Variants in C19orf47 observed in about 807,000 individuals in gnomAD.
C19orf47 encodes the protein chromosome 19 open reading frame 47, also known as uncharacterized protein C19orf47.
C19orf47 carries 18 observed loss-of-function variants against 32.3 expected under a neutral mutation model. The ratio of observed to expected loss-of-function variants is 0.56; its 90% CI spans 0.39 to 0.83. C19orf47 has a LOEUF of 0.83. Among genes scored for constraint, C19orf47 ranks in the 40% least tolerant of loss-of-function variants. C19orf47 has a pLI of 0.00. For synonymous variants in C19orf47, 202 were observed against 211.1 expected, an observed-to-expected ratio of 0.96 and a Z score of 0.37; for missense variants, 484 against 531.6, an observed-to-expected ratio of 0.91 and a Z score of 0.88.
At chr19:40,300,276 C>A in the C19orf47 span, among the ~76,000 whole-genome samples, 14 of 151,748 alleles carry the variant, frequency 9.2e-5, no homozygotes, top group African/African-American at 3.2e-4. Flanking sequence ...ACCAGCCTAG[C>A]CAACACAATG....
chr19:40,299,033 C>A, the C19orf47 span, among the ~76,000 whole-genome samples: 2 of 152,052 alleles, frequency 1.3e-5, no homozygotes, highest in Non-Finnish European at 2.9e-5. Context: ...GCAAGATTTT[C>A]TTGTAGTATT....
chr19:40,346,442 CAAATAAATAAAT>C (rs201362970), intron 1 of C19orf47, among the ~76,000 whole-genome samples: 1,084 of 105,842 alleles, frequency 0.01, 10 homozygotes, highest in African/African-American at 0.022. Flanking sequence ...GACCTTGTCT[CAAATAAATAAAT>C]AAATAAATAA....
At chr19:40,296,092 T>A in the C19orf47 span, among the ~76,000 whole-genome samples, 4 of 152,250 alleles carry the variant, frequency 2.6e-5, no homozygotes, top group East Asian at 7.7e-4. Context: ...ATGATGAGAA[T>A]ATGTTCTGAG....
downstream of C19orf47, among the ~76,000 whole-genome samples, chr19:40,315,191 ATAAAC>A (rs1241690878): frequency 6.6e-6 from 1 of 152,230 alleles, no homozygotes; most frequent in African/African-American, 2.4e-5. Context: ...GGCAATCTGA[ATAAAC>A]TATAGACTTT....
At position 40,326,471 on chromosome 19, in the gene C19orf47, C is replaced by A. The variant is rs746157553; in HGVS notation, c.455G>T (p.Arg152Leu). ...AGGAACAGCCAGGCTCTCCTCCTCC[C>A]GGCGGGCCAGGGCTGCTGGGGGAAG... ...SAKATAALAR[R>L]EEESLAVPAK... Residue 152 changes from arginine to leucine, a missense_variant, in exon 7 of 9, where the codon CGG becomes CTG. Around this residue, in one of 3 missense-constraint regions of C19orf47, gnomAD observed 376 missense variants for 370.2 expected, o/e 1.02. Transcript: ENST00000683109. 6.2e-7 allele frequency: 1 copy of A among 1,613,522 alleles called. No individual in the cohort carries two copies. The highest frequency in any genetic ancestry group is 8.5e-7 in the Non-Finnish European group (1 of 1,180,022).
chr19:40,308,432 G>C, the C19orf47 span, among the ~76,000 whole-genome samples: 1 of 151,520 alleles, frequency 6.6e-6, no homozygotes, highest in African/African-American at 2.4e-5. Context: ...TGGGATTACA[G>C]GTGTGAGCCA....
At chr19:40,305,666 G>A in the C19orf47 span, among the ~76,000 whole-genome samples, 1 of 152,042 alleles carries the variant, frequency 6.6e-6, no homozygotes, top group Non-Finnish European at 1.5e-5. Context: ...AAGTCACCAG[G>A]GTGTCTCGGA....
At chr19:40,311,958 A>G in the C19orf47 span, among the ~76,000 whole-genome samples, 2 of 151,902 alleles carry the variant, frequency 1.3e-5, no homozygotes, top group African/African-American at 2.4e-5. Context: ...TGCCCGGCCC[A>G]ATTTGCTTTT....
chr19:40,313,561 G>A, the C19orf47 span, among the ~76,000 whole-genome samples: 2 of 152,218 alleles, frequency 1.3e-5, no homozygotes, highest in Admixed American at 6.5e-5. Context: ...CTGGGCTGAA[G>A]AGATCTGCCT....
rs913562999 is a variant in C19orf47, at chr19:40,341,840, C to G, written c.18G>C (p.Met6Ile). 3.3e-6 allele frequency: 5 copies of G among 1,536,062 alleles called. No individual in the cohort carries two copies. In the African/African-American group the frequency reaches 4.1e-5, roughly 13 times the overall value. The part of the protein sequence containing the change: MVSVT[M>I]ATSEWIQFFK... Reference sequence around the variant, plus strand: ...CTGGAGAGAAGGCCACAGACTCACCCATAGTCACGGAGACCATCGTCTCCC... The same window carrying G: ...CTGGAGAGAAGGCCACAGACTCACCGATAGTCACGGAGACCATCGTCTCCC... The change falls in exon 2 of 9, where the codon ATG becomes ATC. Residue 6 changes from methionine (M) to isoleucine (I), a missense_variant and splice_region_variant. By Grantham distance (10) the Met-to-Ile change is conservative (BLOSUM62 1). Coordinates refer to ENST00000683109, the MANE Select transcript of C19orf47 (RefSeq NM_001256441.2).
the C19orf47 span, among the ~76,000 whole-genome samples, chr19:40,306,914 T>C: frequency 1.3e-5 from 2 of 151,028 alleles, no homozygotes; most frequent in African/African-American, 2.4e-5. Context: ...CTCAGCCTCC[T>C]GAGTAGCTGG....
intron 4 of C19orf47, among the ~76,000 whole-genome samples, chr19:40,335,254 G>T (rs1318555538): frequency 1.3e-5 from 2 of 152,318 alleles, no homozygotes; most frequent in South Asian, 4.1e-4. Flanking sequence ...ATCCAGGAAG[G>T]TGGGTCACTA....
downstream of C19orf47, among the ~76,000 whole-genome samples, chr19:40,314,753 G>A (rs921340667): frequency 6.6e-6 from 1 of 152,138 alleles, no homozygotes; most frequent in African/African-American, 2.4e-5. Context: ...AAGAGGACAA[G>A]GTGTAAAGGG....
In C19orf47 at chr19:40,321,942, G is replaced by C; in HGVS notation, c.1098C>G (p.Ala366=). The change falls in exon 9 of 9, where the codon GCC becomes GCG. Residue 366 remains alanine (A), a synonymous_variant. Transcript: ENST00000683109. ...TCACAGTGCCCGCGTGGTCCATCTG[G>C]GCACCAAGGCCCTCGCTGGAGCTGC... ...RGSSSSEGLG[A]QMDHAGTVSV... The C allele has an allele frequency of 6.2e-7, 1 of 1,613,612 alleles. No individual in the cohort carries two copies. The highest frequency in any genetic ancestry group is 8.5e-7 in the Non-Finnish European group (1 of 1,179,894).
chr19:40,321,465 G>A lies in C19orf47; in HGVS notation c.*417C>T. ...AGTGAGGGAGGTCAGTGGGGAGTGG[G>A]GGAAGGGAGGCCCACCAGGTGACAC... On this transcript the variant is annotated 3_prime_UTR_variant, in exon 9 of 9. Coordinates refer to ENST00000683109, the MANE Select transcript of C19orf47 (RefSeq NM_001256441.2). 1 of 1,012,368 alleles carries A rather than the reference G, an allele frequency of 9.9e-7. No individual in the cohort carries two copies. Among genetic ancestry groups the A allele is most frequent in the Non-Finnish European group, 1.2e-6 (1 of 846,282 alleles). 62.7% of individuals were successfully genotyped at this position (1,012,368 alleles called of 1,614,324 possible). A position where few individuals can be genotyped will look rare whatever the true frequency, so the allele number is the denominator to read the frequency against.
downstream of C19orf47, among the ~76,000 whole-genome samples, chr19:40,318,931 C>T (rs1483780673): frequency 6.6e-6 from 1 of 152,136 alleles, no homozygotes; most frequent in Non-Finnish European, 1.5e-5. Context: ...GCGAAGGGTA[C>T]ACAACAGTGT....
In C19orf47 at chr19:40,346,441, T is replaced by A. The variant is rs1365796188; in HGVS notation, c.-34+1883A>T. Among the ~76,000 whole-genome samples the A allele has an allele frequency of 6.7e-5, 6 of 89,214 alleles. 1 individual carries two copies. Among genetic ancestry groups the A allele is most frequent in the African/African-American group, 2.6e-4 (6 of 22,816 alleles). The allele number at this position is 89,214 out of a possible 152,430, so 58.5% of individuals were successfully genotyped here. On this transcript the variant is annotated intron_variant, in intron 1 of 8. Coordinates refer to ENST00000683109, the MANE Select transcript of C19orf47 (RefSeq NM_001256441.2). ...CTGGGCAACAGAGCGAGACCTTGTC[T>A]CAAATAAATAAATAAATAAATAAAT... is the stretch of plus-strand genomic sequence containing the variant.
Position 40,321,133 on chromosome 19 carries a change from C to T in C19orf47, c.*749G>A. 1 of 684,372 alleles carries T rather than the reference C, an allele frequency of 1.5e-6. No individual in the cohort carries two copies. Among genetic ancestry groups the T allele is most frequent in the Non-Finnish European group, 1.8e-6 (1 of 553,454 alleles). 42.4% of individuals were successfully genotyped at this position (684,372 alleles called of 1,614,324 possible). On this transcript the variant is annotated 3_prime_UTR_variant, in exon 9 of 9. Coordinates refer to ENST00000683109, the MANE Select transcript of C19orf47 (RefSeq NM_001256441.2). ...TAGGCACTGGCCTCCCTTCCCAGTG[C>T]CCCTTGCCCACCACCCGCCATACAC...
At chr19:40,313,477 A>G in the C19orf47 span, among the ~76,000 whole-genome samples, 1 of 151,882 alleles carries the variant, frequency 6.6e-6, no homozygotes, top group African/African-American at 2.4e-5. Flanking sequence ...GCCATGCGCC[A>G]CCACGCCGAG....
Sources: gnomAD v4.1 joint callset for allele counts (sites outside exome capture counted in the v4.1 genomes callset) on GRCh38, gnomAD v4.1.1 for gene constraint, gnomAD v4.1.1 regional missense constraint, MANE v1.5 for transcripts, NCBI Gene and HGNC (gene_info 2026-07-23, HGNC 2026-07-21) for gene names.